The following TIMM17A variants were observed in gnomAD, a reference collection of about 807,000 sequenced individuals.
The protein encoded by TIMM17A is mitochondrial import inner membrane translocase subunit Tim17-A.
In TIMM17A, 15 loss-of-function variants were observed where a neutral mutation model predicts 26.5. The ratio of observed to expected loss-of-function variants is 0.57; its 90% CI spans 0.38 to 0.87. The LOEUF is 0.87. Ranked by LOEUF, TIMM17A falls within the 40% of genes least tolerant of loss-of-function variation. The pLI is 0.00. For missense variants in TIMM17A, 201 were observed against 210.0 expected (o/e 0.96, Z 0.27); for synonymous variants, 80 against 70.8 (o/e 1.13, Z -0.66).
intron 3 of TIMM17A, 174 bp downstream of exon 3, chr1:201,957,748 G>T: frequency 1.8e-6 from 1 of 542,294 alleles, no homozygotes. Context: ...AAATTAACCT[G>T]AATTATGATA....
intron 4 of TIMM17A, among the ~76,000 whole-genome samples, chr1:201,963,953 CA>C (rs200184433): frequency 5.5e-5 from 8 of 146,158 alleles, no homozygotes; most frequent in South Asian, 2.2e-4. Context: ...CTGGTCTCTA[CA>C]AAAAAAAAAA....
intron 3 of TIMM17A, among the ~76,000 whole-genome samples, chr1:201,959,697 G>A (rs1006658884): frequency 3.3e-5 from 5 of 151,896 alleles, no homozygotes; most frequent in African/African-American, 7.3e-5. Flanking sequence ...AATGTAGGCC[G>A]GGCGCGGTGG....
intron 1 of TIMM17A, 52 bp downstream of exon 1, chr1:201,955,604 T>C (rs1015576978): frequency 2.5e-6 from 4 of 1,613,104 alleles, no homozygotes; most frequent in Non-Finnish European, 8.5e-7. Flanking sequence ...CCCACTGCCC[T>C]CCTTCTCCCT....
intron 1 of TIMM17A, among the ~76,000 whole-genome samples, chr1:201,955,809 T>C (rs1256592708): frequency 6.6e-6 from 1 of 152,194 alleles, no homozygotes; most frequent in Non-Finnish European, 1.5e-5. Context: ...GGTCCAGACT[T>C]GAGTTTGATA....
chr1:201,966,978 TATA>T (rs1476499984), intron 5 of TIMM17A, among the ~76,000 whole-genome samples: 11 of 123,444 alleles, frequency 8.9e-5, no homozygotes, highest in Non-Finnish European at 1.7e-4. Context: ...ATATATGTTG[TATA>T]TTATATATGT....
chr1:201,966,915 AAT>A (rs1682637968), intron 5 of TIMM17A, among the ~76,000 whole-genome samples: 1 of 147,434 alleles, frequency 6.8e-6, no homozygotes, highest in Admixed American at 6.9e-5. Context: ...TATGTTATAT[AAT>A]ATGTATGTTA....
intron 5 of TIMM17A, among the ~76,000 whole-genome samples, chr1:201,966,335 C>G (rs1300889039): frequency 6.6e-6 from 1 of 151,960 alleles, no homozygotes; most frequent in African/African-American, 2.4e-5. Context: ...GCACTCTAGG[C>G]TGGTCGATGG....
intron 3 of TIMM17A, among the ~76,000 whole-genome samples, chr1:201,959,696 C>G (rs76092823): frequency 6.6e-6 from 1 of 151,192 alleles, no homozygotes; most frequent in African/African-American, 2.4e-5. Flanking sequence ...AAATGTAGGC[C>G]GGGCGCGGTG....
rs75342067 is a variant in TIMM17A at position 201,956,380 on chromosome 1, C to T, written c.26+828C>T. Among the ~76,000 whole-genome samples, 1,141 of 152,256 alleles carry T rather than the reference C, an allele frequency of 7.5e-3. 22 individuals carry two copies. Among genetic ancestry groups the T allele is most frequent in the African/African-American group, 0.026 (1,097 of 41,536 alleles). On this transcript the variant is annotated intron_variant, in intron 1 of 5. Coordinates refer to ENST00000367287, the MANE Select transcript of TIMM17A (RefSeq NM_006335.3). ...CATTTGTTTTATTGTGTAAGAGCAA[C>T]AACCAAGATGTCCTCAATTTGTGAA...
chr1:201,957,164 T>C, intron 1 of TIMM17A, 117 bp from the exon 2 acceptor site: 1 of 641,376 alleles, frequency 1.6e-6, no homozygotes, highest in Non-Finnish European at 2.8e-6. Context: ...AAATATTTAT[T>C]GGTTGCAGTG....
rs1326511472 is a variant in TIMM17A at position 201,969,481 on chromosome 1, C to G, written c.443C>G (p.Ala148Gly). The change falls in exon 6 of 6, where the codon GCA (alanine) becomes GGA (glycine). Residue 148 changes from alanine to glycine, a missense_variant. Ala to Gly is a moderately conservative substitution (Grantham distance 60, BLOSUM62 0). Transcript: ENST00000367287. ...SAQFPNGPQFAEDPSQLPSTQ... is the reference protein window; with the variant it reads ...SAQFPNGPQFGEDPSQLPSTQ... ...TTCTCACTTGCAGGTCCTCAGTTTG[C>G]AGAAGACCCCTCCCAGTTGCCTTCA... 1 of 1,613,380 alleles carries G rather than the reference C, an allele frequency of 6.2e-7. No homozygotes were observed. Among genetic ancestry groups the G allele is most frequent in the Non-Finnish European group, 8.5e-7 (1 of 1,179,602 alleles).
chr1:201,968,316 A>G lies in TIMM17A; in HGVS notation c.431-1153A>G, dbSNP rs531997014. On this transcript the variant is annotated intron_variant, in intron 5 of 5. Coordinates refer to ENST00000367287, the MANE Select transcript of TIMM17A (RefSeq NM_006335.3). ...AGCAAAAAAGTTTTTAAAACAGTGAAAAAAGGTTAGACAGAACTGTATGTA... is the reference window on the plus strand; with the variant it reads ...AGCAAAAAAGTTTTTAAAACAGTGAGAAAAGGTTAGACAGAACTGTATGTA... 2.0e-5 allele frequency among the ~76,000 whole-genome samples: 3 copies of G among 151,918 alleles called. No homozygotes were observed. In the South Asian group the frequency reaches 6.2e-4, roughly 32 times the overall value.
rs1349422494 is a variant in TIMM17A at position 201,966,912 on chromosome 1, T to C, written c.430+1369T>C. On this transcript the variant is annotated intron_variant, in intron 5 of 5. Transcript: ENST00000367287. The stretch of plus-strand genomic sequence containing the variant: ...TATATGTTATATATTATATATGTTA[T>C]ATAATATGTATGTTATATGTTGTAT... Among the ~76,000 whole-genome samples, 3 of 147,846 alleles carry C rather than the reference T, an allele frequency of 2.0e-5. No individual in the cohort carries two copies. The East Asian group carries it at 5.8e-4, about 29-fold the overall frequency.
At chr1:201,966,559 G>T (rs920067126) in intron 5 of TIMM17A, among the ~76,000 whole-genome samples, 1 of 151,724 alleles carries the variant, frequency 6.6e-6, no homozygotes, top group Non-Finnish European at 1.5e-5. Flanking sequence ...ATATTGTGAG[G>T]TGGCCGGGCA....
chr1:201,965,405 A>C, intron 4 of TIMM17A, 28 bp from the exon 5 acceptor site: 1 of 1,480,360 alleles, frequency 6.8e-7, no homozygotes, highest in South Asian at 1.1e-5. Flanking sequence ...TCTGTAAAAA[A>C]TAATCTCTTT....
chr1:201,960,731 A>G (rs1056396824), intron 3 of TIMM17A, among the ~76,000 whole-genome samples: 2 of 151,974 alleles, frequency 1.3e-5, no homozygotes, highest in Non-Finnish European at 2.9e-5. Flanking sequence ...TGGGAAAATC[A>G]TAGTTGTGTT....
intron 4 of TIMM17A, among the ~76,000 whole-genome samples, chr1:201,964,046 G>A (rs887945228): frequency 3.9e-5 from 6 of 152,094 alleles, no homozygotes; most frequent in South Asian, 2.1e-4. Flanking sequence ...TTGAGCCACC[G>A]CACTCTCACC....
intron 1 of TIMM17A, among the ~76,000 whole-genome samples, chr1:201,956,955 CAAA>C (rs769517453): frequency 4.9e-5 from 3 of 61,606 alleles, no homozygotes; most frequent in Admixed American, 1.8e-4. Context: ...GACTCCATCT[CAAA>C]AAAAAAAAAA....
At chr1:201,967,461 T>C (rs962370502) in intron 5 of TIMM17A, among the ~76,000 whole-genome samples, 1 of 152,272 alleles carries the variant, frequency 6.6e-6, no homozygotes, top group Admixed American at 6.5e-5. Flanking sequence ...CATTGTCTCA[T>C]AGAAATTAGC....
Sources: allele counts gnomAD v4.1 joint callset (sites outside exome capture counted in the v4.1 genomes callset), GRCh38; gene constraint gnomAD v4.1.1; transcripts MANE v1.5; gene names NCBI Gene and HGNC (gene_info 2026-07-23, HGNC 2026-07-21).